Variants in MYLK4 observed in about 807,000 individuals in gnomAD.
MYLK4 encodes the protein caMLCK like.
MYLK4 carries 46 observed loss-of-function variants against 48.1 expected under a neutral mutation model. That is an observed-to-expected ratio of 0.96 (90% CI 0.75 to 1.22). The LOEUF is 1.22. Ranked by LOEUF, MYLK4 falls within the 50% of genes most tolerant of loss-of-function variation. The pLI is 0.00. For synonymous variants in MYLK4, 170 were observed against 180.8 expected (o/e 0.94, Z 0.48); for missense variants, 451 against 486.1 (o/e 0.93, Z 0.68).
At chr6:2,670,765 G>C (rs1255617201) in intron 12 of MYLK4, among the ~76,000 whole-genome samples, 1 of 152,112 alleles carries the variant, frequency 6.6e-6, no homozygotes, top group Non-Finnish European at 1.5e-5. Flanking sequence ...CAGCTCAGGG[G>C]ATTAAAAAAC....
chr6:2,678,103 G>A, intron 10 of MYLK4, 117 bp downstream of exon 10: 1 of 1,301,366 alleles, frequency 7.7e-7, no homozygotes, highest in South Asian at 1.4e-5. Flanking sequence ...TTCTATCCAT[G>A]ACTTTGCGCA....
At chr6:2,757,148 T>G in the MYLK4 span, among the ~76,000 whole-genome samples, 1 of 152,064 alleles carries the variant, frequency 6.6e-6, no homozygotes, top group African/African-American at 2.4e-5. Flanking sequence ...GCTTTTTTTT[T>G]TTTTAATTAA....
intron 3 of MYLK4, 100 bp downstream of exon 3, chr6:2,692,684 C>A (rs1761854203): frequency 4.5e-6 from 4 of 896,450 alleles, no homozygotes; most frequent in African/African-American, 1.7e-5. Context: ...CTTCTTCCTG[C>A]ACAGGGCTTT....
chr6:2,765,582 T>C, the MYLK4 span: 1 of 1,445,204 alleles, frequency 6.9e-7, no homozygotes, highest in South Asian at 1.3e-5. Flanking sequence ...GCGCACGGGT[T>C]GCTGCGGCCG....
the MYLK4 span, chr6:2,766,522 G>A: frequency 1.4e-6 from 2 of 1,425,420 alleles, no homozygotes; most frequent in African/African-American, 2.9e-5. Context: ...AGCCGGGTGT[G>A]CTGCCCTCGA....
the MYLK4 span, chr6:2,765,441 C>G: frequency 1.5e-6 from 1 of 659,766 alleles, no homozygotes; most frequent in Middle Eastern, 5.2e-4. Flanking sequence ...CGGCCGAGGG[C>G]GGGCGGACGC....
At chr6:2,764,382 C>T in the MYLK4 span, among the ~76,000 whole-genome samples, 11 of 152,170 alleles carry the variant, frequency 7.2e-5, no homozygotes, top group Admixed American at 2.0e-4. Flanking sequence ...CGGCCCTGCA[C>T]TCCAGCCTGG....
the MYLK4 span, chr6:2,765,366 C>T: frequency 6.3e-6 from 2 of 319,952 alleles, no homozygotes; most frequent in South Asian, 1.4e-4. Context: ...GAGGCGCCTC[C>T]GCCGCCGGGG....
intron 2 of MYLK4, among the ~76,000 whole-genome samples, chr6:2,694,523 G>GAT (rs767102445): frequency 6.1e-4 from 1 of 1,630 alleles, no homozygotes; most frequent in Non-Finnish European, 1.4e-3. Flanking sequence ...CGGTGGTGGT[G>GAT]GTGGTGGTAG....
At chr6:2,727,005 A>T (rs1034284844) in intron 2 of MYLK4, among the ~76,000 whole-genome samples, 5 of 152,210 alleles carry the variant, frequency 3.3e-5, no homozygotes, top group Non-Finnish European at 7.3e-5. Context: ...AGCGGGAGAG[A>T]TCAGTTTTGT....
At chr6:2,715,136 C>T (rs1038633211) in intron 2 of MYLK4, among the ~76,000 whole-genome samples, 3 of 151,962 alleles carry the variant, frequency 2.0e-5, no homozygotes, top group African/African-American at 4.8e-5. Context: ...TGGTGGCAGG[C>T]GCCTGTGATC....
chr6:2,749,170 G>C lies in MYLK4; in HGVS notation c.125C>G (p.Ser42Cys). 6.2e-7 allele frequency: 1 copy of C among 1,613,950 alleles called. No homozygotes were observed. The highest frequency in any genetic ancestry group is 8.5e-7 in the Non-Finnish European group (1 of 1,179,942). ...TCCAGATCTTGAATCCTGGTCCCCA[G>C]AATTTTTTTCCAGAAAACACTTCAC... is the stretch of plus-strand genomic sequence containing the variant. Reference protein sequence around the residue: ...EKVKCFLEKNSGDQDSRSGHN... With the variant: ...EKVKCFLEKNCGDQDSRSGHN... The change falls in exon 2 of 13, where the codon TCT (serine) becomes TGT (cysteine). Residue 42 changes from serine to cysteine, a missense_variant. Coordinates refer to ENST00000274643, the MANE Select transcript of MYLK4 (RefSeq NM_001012418.5).
At chr6:2,744,321 T>G (rs1167629604) in intron 2 of MYLK4, among the ~76,000 whole-genome samples, 1 of 152,230 alleles carries the variant, frequency 6.6e-6, no homozygotes, top group Non-Finnish European at 1.5e-5. Context: ...ACGCTGTGAA[T>G]GCGTATTTGT....
At chr6:2,757,359 T>C in the MYLK4 span, among the ~76,000 whole-genome samples, 1 of 152,180 alleles carries the variant, frequency 6.6e-6, no homozygotes, top group Admixed American at 6.5e-5. Flanking sequence ...GAATGAAGCC[T>C]GGGAGGCAGA....
rs752860439 is a variant in MYLK4 at position 2,665,806 on chromosome 6, G to A, written c.*2119C>T. On this transcript the variant is annotated 3_prime_UTR_variant, in exon 13 of 13. Coordinates refer to ENST00000274643, the MANE Select transcript of MYLK4 (RefSeq NM_001012418.5). Reference sequence around the variant, plus strand: ...ATTTGAGTGAATGCCAGCTCTCTGCGGTCTAACTAAGTATTAATGCATGCA... The same window carrying A: ...ATTTGAGTGAATGCCAGCTCTCTGCAGTCTAACTAAGTATTAATGCATGCA... 5 of 152,132 alleles carry A rather than the reference G, an allele frequency of 3.3e-5. No homozygotes were observed. Among genetic ancestry groups the A allele is most frequent in the Non-Finnish European group, 5.9e-5 (4 of 68,046 alleles). The allele number at this position is 152,132 out of a possible 1,614,324, so 9.4% of individuals were successfully genotyped here.
At chr6:2,743,678 T>C (rs564178564) in intron 2 of MYLK4, among the ~76,000 whole-genome samples, 3 of 152,314 alleles carry the variant, frequency 2.0e-5, no homozygotes, top group East Asian at 3.9e-4. Flanking sequence ...AACTTTAATA[T>C]GCACAGGGAA....
chr6:2,705,191 G>A (rs1488945216), intron 2 of MYLK4, among the ~76,000 whole-genome samples: 1 of 152,056 alleles, frequency 6.6e-6, no homozygotes, highest in Non-Finnish European at 1.5e-5. Context: ...AGTGTTTTTA[G>A]TTCTTCCCCA....
intron 2 of MYLK4, among the ~76,000 whole-genome samples, chr6:2,715,200 C>T (rs1403056302): frequency 3.4e-5 from 5 of 148,030 alleles, no homozygotes; most frequent in South Asian, 2.1e-4. Context: ...GCGGAGGTTG[C>T]GGTAAGCTGA....
At chr6:2,671,494 C>G in intron 11 of MYLK4, 146 bp from the exon 12 acceptor site, 3 of 714,880 alleles carry the variant, frequency 4.2e-6, no homozygotes, top group Middle Eastern at 2.6e-4. Context: ...TCCCGACAAC[C>G]CCCTGGCAGA....
Sources: gnomAD v4.1 joint callset for allele counts (sites outside exome capture counted in the v4.1 genomes callset) on GRCh38, gnomAD v4.1.1 for gene constraint, MANE v1.5 for transcripts, NCBI Gene and HGNC (gene_info 2026-07-23, HGNC 2026-07-21) for gene names.